Variants in HSPG2 observed in about 807,000 individuals in gnomAD.
HSPG2 encodes heparan sulfate proteoglycan 2.
Under a neutral mutation model 526.6 loss-of-function variants are expected in HSPG2, and 278 were observed. That is an observed-to-expected ratio of 0.53 (90% CI 0.48 to 0.58). The LOEUF (loss-of-function observed/expected upper bound fraction) is 0.58. HSPG2 is among the 20% of genes least tolerant of loss of function. The pLI, the probability that HSPG2 is intolerant of heterozygous loss-of-function variation, is 0.00. For missense variants in HSPG2, 5,354 were observed against 6,099.5 expected (o/e 0.88, Z 4.07); for synonymous variants, 2,465 against 2,555.4 (o/e 0.96, Z 1.07).
intron 14 of HSPG2, 43 bp from the exon 15 acceptor site, chr1:21,880,878 C>T (rs1253897096): frequency 1.3e-6 from 2 of 1,547,060 alleles, no homozygotes; most frequent in East Asian, 4.8e-5. Flanking sequence ...TGTGGGCACA[C>T]TTGACACCTC....
Position 21,854,972 on chromosome 1 carries a change from C to T in HSPG2, c.6009G>A (p.Glu2003=), listed in dbSNP as rs564170763. 15 of 1,613,202 alleles carry T rather than the reference C, an allele frequency of 9.3e-6. No individual in the cohort carries two copies. The highest frequency in any genetic ancestry group is 2.2e-5 in the South Asian group (2 of 91,076). Reference sequence around the variant, plus strand: ...TGAGCAGTGTCGCGATGTCTGTGCGCTCTGACCGGGCCTGCCGTGGGTGAG... The same window carrying T: ...TGAGCAGTGTCGCGATGTCTGTGCGTTCTGACCGGGCCTGCCGTGGGTGAG... ...GGSLPPQARS[E]RTDIATLLIP... The change falls in exon 48 of 97, where the codon GAG becomes GAA. Residue 2003 remains glutamate (E), a synonymous_variant. Transcript: ENST00000374695.
At chr1:21,934,008 C>T (rs1015173623) in intron 1 of HSPG2, among the ~76,000 whole-genome samples, 8 of 152,250 alleles carry the variant, frequency 5.3e-5, no homozygotes, top group Admixed American at 6.5e-5. Context: ...ACCACCGAGG[C>T]TCCCTCAAGA....
chr1:21,865,624 T>A lies in HSPG2; in HGVS notation c.4314+93A>T. 2.7e-6 allele frequency: 3 copies of A among 1,121,506 alleles called. No homozygotes were observed. In the South Asian group the frequency reaches 3.7e-5, roughly 14 times the overall value. The allele number at this position is 1,121,506 out of a possible 1,614,324, so 69.5% of individuals were successfully genotyped here. A position where few individuals can be genotyped will look rare whatever the true frequency, so the allele number is the denominator to read the frequency against. On this transcript the variant is annotated intron_variant, in intron 34 of 96. Transcript: ENST00000374695. The surrounding 1 kb of genome is among the most constrained non-coding windows in gnomAD (Gnocchi z 5.4). Reference sequence around the variant, plus strand: ...CCCCAGCCTGTGCCAGAAAACTGAGTGCTGGATGGAAAGGACAAAGGACAA... The same window carrying A: ...CCCCAGCCTGTGCCAGAAAACTGAGAGCTGGATGGAAAGGACAAAGGACAA...
At chr1:21,906,785 C>A (rs1179388865) in intron 1 of HSPG2, among the ~76,000 whole-genome samples, 2 of 151,942 alleles carry the variant, frequency 1.3e-5, no homozygotes, top group Non-Finnish European at 2.9e-5. Context: ...TAACTTGGAA[C>A]CTTTTATGTA....
chr1:21,875,534 G>T (rs2152748156), intron 25 of HSPG2, 95 bp downstream of exon 25: 2 of 924,730 alleles, frequency 2.2e-6, no homozygotes, highest in East Asian at 4.9e-5. Flanking sequence ...GCACAAAAGG[G>T]TCACACAGTC....
chr1:21,852,063 G>C (rs777224989), intron 53 of HSPG2, 25 bp downstream of exon 53: 2 of 1,612,694 alleles, frequency 1.2e-6, no homozygotes, highest in Non-Finnish European at 1.7e-6. Context: ...CCATGGCCCC[G>C]TCCCACATTC....
rs1254179505 is a variant in HSPG2 at position 21,852,992 on chromosome 1, C to T, written c.6518G>A (p.Cys2173Tyr). Residue 2173 changes from cysteine to tyrosine, a missense_variant, in exon 51 of 97, where the codon TGC (cysteine) becomes TAC (tyrosine). Transcript: ENST00000374695. Reference protein sequence around the residue: ...VAEGQTLDLNCVVPGQAHAQV... With the variant: ...VAEGQTLDLNYVVPGQAHAQV... ...GGCGTGGGCCTGCCCGGGCACCACG[C>T]AGTTCAGATCCAGGGTCTGCCCTTC... 2 of 1,613,642 alleles carry T rather than the reference C, an allele frequency of 1.2e-6. No individual in the cohort carries two copies. Among genetic ancestry groups the T allele is most frequent in the East Asian group, 2.2e-5 (1 of 44,882 alleles).
intron 29 of HSPG2, 94 bp from the exon 30 acceptor site, chr1:21,873,518 A>G: frequency 1.7e-6 from 2 of 1,186,104 alleles, no homozygotes; most frequent in African/African-American, 3.0e-5. Flanking sequence ...CAATGGCCTC[A>G]TGCACTGGAA....
chr1:21,833,035 G>A (rs2098011402), intron 80 of HSPG2: 1 of 599,162 alleles, frequency 1.7e-6, no homozygotes, highest in Non-Finnish European at 3.0e-6. Context: ...CCCGGTGGCA[G>A]AGGAGCCACG....
At chr1:21,844,339 C>G (rs766528559) in intron 64 of HSPG2, 40 bp from the exon 65 acceptor site, 10 of 1,591,162 alleles carry the variant, frequency 6.3e-6, no homozygotes, top group Non-Finnish European at 8.6e-6. Context: ...GAGATGCCAC[C>G]CTGATGCCCT....
Position 21,865,658 on chromosome 1 carries a change from G to A in HSPG2, c.4314+59C>T. On this transcript the variant is annotated intron_variant, in intron 34 of 96. Coordinates refer to ENST00000374695, the MANE Select transcript of HSPG2 (RefSeq NM_005529.7). The surrounding 1 kb of genome is among the most constrained non-coding windows in gnomAD (Gnocchi z 5.4). ...GAAAGGACAAAGGACAAATGCCGAG[G>A]GTGCCCCTGGCTTCCATCCTGCCCT... The A allele has an allele frequency of 5.2e-6, 7 of 1,351,570 alleles. No individual in the cohort carries two copies. Among genetic ancestry groups the A allele is most frequent in the South Asian group, 1.2e-5 (1 of 85,838 alleles). The allele number at this position is 1,351,570 out of a possible 1,614,324, so 83.7% of individuals were successfully genotyped here.
chr1:21,842,351 G>C lies in HSPG2; in HGVS notation c.8940C>G (p.Leu2980=). 6.2e-7 allele frequency: 1 copy of C among 1,610,178 alleles called. No homozygotes were observed. Among genetic ancestry groups the C allele is most frequent in the Non-Finnish European group, 8.5e-7 (1 of 1,177,948 alleles). Residue 2980 remains leucine (L), a synonymous_variant, in exon 68 of 97, where the codon CTC becomes CTG. Coordinates refer to ENST00000374695, the MANE Select transcript of HSPG2 (RefSeq NM_005529.7). ...QTHGSQLRLH[L]VSPADSGEYV... ...ACTCGCCTGAGTCGGCAGGGGAGACGAGGTGGAGCCGCAGCTGGGAGCCAT... is the reference window on the plus strand; with the variant it reads ...ACTCGCCTGAGTCGGCAGGGGAGACCAGGTGGAGCCGCAGCTGGGAGCCAT...
chr1:21,852,460 G>A (rs1638976669), intron 52 of HSPG2, among the ~76,000 whole-genome samples: 1 of 152,270 alleles, frequency 6.6e-6, no homozygotes, highest in Non-Finnish European at 1.5e-5. Flanking sequence ...GATGAGGGCA[G>A]AGATGAGTTG....
At chr1:21,885,593 T>A (rs926461122) in intron 9 of HSPG2, 142 bp from the exon 10 acceptor site, 30 of 947,072 alleles carry the variant, frequency 3.2e-5, no homozygotes, top group Non-Finnish European at 4.7e-5. Context: ...ACTGTCCAAC[T>A]CACAGCCAGC....
intron 1 of HSPG2, among the ~76,000 whole-genome samples, chr1:21,933,524 C>T (rs1644400716): frequency 6.6e-6 from 1 of 152,252 alleles, no homozygotes; most frequent in Non-Finnish European, 1.5e-5. Context: ...CACCCGTCTT[C>T]CGGGCCCTGA....
intron 95 of HSPG2, 82 bp from the exon 96 acceptor site, chr1:21,823,801 A>T: frequency 9.5e-7 from 1 of 1,052,880 alleles, no homozygotes; most frequent in Non-Finnish European, 1.5e-6. Context: ...TCCCTCTGAT[A>T]TCGAGACTCC....
chr1:21,861,733 C>T, intron 39 of HSPG2, 24 bp downstream of exon 39: 1 of 1,608,402 alleles, frequency 6.2e-7, no homozygotes, highest in Non-Finnish European at 8.5e-7. Flanking sequence ...TCCACCCTCC[C>T]CCTACTTCTG....
rs1186008738 is a variant in HSPG2, at chr1:21,858,732, CT to C, written c.5293+833del. ...CCACTGCACTTCTTTGCATTGAGGGCTTTCTCAGGCCACTGGAGCCCACAGT... is the reference window on the plus strand; with the variant it reads ...CCACTGCACTTCTTTGCATTGAGGGCTTCTCAGGCCACTGGAGCCCACAGT... On this transcript the variant is annotated intron_variant, in intron 42 of 96. Coordinates refer to ENST00000374695, the MANE Select transcript of HSPG2 (RefSeq NM_005529.7). The surrounding 1 kb of genome is among the most constrained non-coding windows in gnomAD (Gnocchi z 4.2). Among the ~76,000 whole-genome samples the C allele has an allele frequency of 6.6e-6, 1 of 152,216 alleles. No individual in the cohort carries two copies. The highest frequency in any genetic ancestry group is 6.5e-5 in the Admixed American group (1 of 15,284).
At chr1:21,921,118 C>T (rs1644027040) in intron 1 of HSPG2, among the ~76,000 whole-genome samples, 1 of 152,190 alleles carries the variant, frequency 6.6e-6, no homozygotes, top group African/African-American at 2.4e-5. Context: ...CAGTGGCTCG[C>T]TGCCATTGCA....
Sources: allele counts gnomAD v4.1 joint callset (sites outside exome capture counted in the v4.1 genomes callset), GRCh38; gene constraint gnomAD v4.1.1; non-coding constraint Gnocchi (gnomAD v3.1); transcripts MANE v1.5; gene names NCBI Gene and HGNC (gene_info 2026-07-23, HGNC 2026-07-21).